Variants in CASZ1 observed in about 807,000 individuals in gnomAD.
CASZ1 encodes castor zinc finger 1, also known as zinc finger protein castor homolog 1.
In CASZ1, 28 loss-of-function variants were observed where a neutral mutation model predicts 135.2. That is an observed-to-expected ratio of 0.21 (90% CI 0.15 to 0.28). CASZ1 has a LOEUF of 0.28. Among genes scored for constraint, CASZ1 ranks in the 10% least tolerant of loss-of-function variants. CASZ1 has a pLI of 1.00. For synonymous variants in CASZ1, 1,068 were observed against 1,073.4 expected (o/e 0.99, Z 0.10); for missense variants, 2,161 against 2,453.3 (o/e 0.88, Z 2.52).
intron 4 of CASZ1, among the ~76,000 whole-genome samples, chr1:10,668,996 T>C (rs1643323115): frequency 6.6e-6 from 1 of 152,168 alleles, no homozygotes; most frequent in African/African-American, 2.4e-5. Context: ...CCTCCTCGGA[T>C]TCCTAGGTTC....
intron 4 of CASZ1, among the ~76,000 whole-genome samples, chr1:10,677,665 G>A (rs1022866473): frequency 5.9e-5 from 9 of 152,260 alleles, no homozygotes; most frequent in East Asian, 1.9e-4. Context: ...CCACTCACTC[G>A]TGAGGACTAG....
At chr1:10,746,288 A>G (rs1192085667) in intron 2 of CASZ1, among the ~76,000 whole-genome samples, 2 of 152,220 alleles carry the variant, frequency 1.3e-5, no homozygotes, top group East Asian at 3.8e-4. Context: ...ATGCACGGCA[A>G]AATTAAAGCT....
chr1:10,687,922 A>T (rs981240413), intron 4 of CASZ1, among the ~76,000 whole-genome samples: 5 of 152,198 alleles, frequency 3.3e-5, no homozygotes, highest in Non-Finnish European at 7.4e-5. Context: ...AAAGCTCTCA[A>T]GGAGCTAAAA....
rs1398067549 is a variant in CASZ1, at chr1:10,636,926, A to G, written c.*2016T>C. The stretch of plus-strand genomic sequence containing the variant: ...CATACATATTATTTGATATTTATAT[A>G]TATACACATACATAGTTATAAAACA... On this transcript the variant is annotated 3_prime_UTR_variant, in exon 21 of 21. Transcript: ENST00000377022. The G allele has an allele frequency of 6.6e-6, 1 of 152,156 alleles. No homozygotes were observed. Among genetic ancestry groups the G allele is most frequent in the Non-Finnish European group, 1.5e-5 (1 of 67,994 alleles). The allele number at this position is 152,156 out of a possible 1,614,324, so 9.4% of individuals were successfully genotyped here.
At chr1:10,684,406 A>G (rs1638521739) in intron 4 of CASZ1, among the ~76,000 whole-genome samples, 1 of 152,160 alleles carries the variant, frequency 6.6e-6, no homozygotes, top group East Asian at 1.9e-4. Flanking sequence ...ACACGCGCCT[A>G]GTGGAACGCA....
chr1:10,664,954 TG>T, intron 5 of CASZ1, 128 bp downstream of exon 5: 2 of 1,110,458 alleles, frequency 1.8e-6, no homozygotes, highest in Non-Finnish European at 1.2e-6. Context: ...GAGCCCTCCC[TG>T]GGTGGGATGA....
In CASZ1 at chr1:10,654,587, C is replaced by A; in HGVS notation, c.1670G>T (p.Gly557Val). ...KSTHYHCMQV[G>V]CNKVYTSTSD... ...CGTGCTCGTGTACACCTTGTTACAG[C>A]CCACCTGCACAGGACGGGATGGTGG... Residue 557 changes from glycine to valine, a missense_variant, in exon 10 of 21, where the codon GGC becomes GTC. Gly to Val is a moderately radical substitution (Grantham distance 109). This residue lies in a region of CASZ1 where 248 missense variants were observed against 410.8 expected (regional missense o/e 0.60). Coordinates refer to ENST00000377022, the MANE Select transcript of CASZ1 (RefSeq NM_001079843.3). 1.2e-6 allele frequency: 2 copies of A among 1,613,966 alleles called. No individual in the cohort carries two copies. Among genetic ancestry groups the A allele is most frequent in the South Asian group, 1.1e-5 (1 of 91,062 alleles).
Position 10,643,250 on chromosome 1 carries a change from G to T in CASZ1, c.3930C>A (p.Ser1310=). The T allele has an allele frequency of 6.2e-7, 1 of 1,613,238 alleles. No individual in the cohort carries two copies. The highest frequency in any genetic ancestry group is 1.1e-5 in the South Asian group (1 of 91,056). The change falls in exon 19 of 21, where the codon TCC becomes TCA. Residue 1310 remains serine, a synonymous_variant. Coordinates refer to ENST00000377022, the MANE Select transcript of CASZ1 (RefSeq NM_001079843.3). ...FHCIREGCQF[S]FLLKHQMTSH... is the part of the protein sequence containing the mutation. Reference sequence around the variant, plus strand: ...AGGTCATCTGGTGCTTGAGGAGGAAGGAGAACTGGCAGCCCTCCCGGATGC... The same window carrying T: ...AGGTCATCTGGTGCTTGAGGAGGAATGAGAACTGGCAGCCCTCCCGGATGC...
rs555966401 is a variant in CASZ1 at position 10,756,950 on chromosome 1, C to T, written c.-77+3751G>A. 6.6e-6 allele frequency among the ~76,000 whole-genome samples: 1 copy of T among 152,178 alleles called. No homozygotes were observed. Among genetic ancestry groups the T allele is most frequent in the African/African-American group, 2.4e-5 (1 of 41,436 alleles). On this transcript the variant is annotated intron_variant, in intron 2 of 20. Transcript: ENST00000377022. The surrounding 1 kb of genome is among the most constrained non-coding windows in gnomAD (Gnocchi z 5.9). ...AAGAGAAACTCAGCCAACTTTTAGA[C>T]CCAATCTCAGACCCAGCACAGAACC...
chr1:10,656,773 G>A (rs1642812449), intron 7 of CASZ1, 37 bp from the exon 8 acceptor site: 3 of 1,409,402 alleles, frequency 2.1e-6, no homozygotes, highest in African/African-American at 1.4e-5. Flanking sequence ...GCCCTGCTGT[G>A]GGTGACAGTC....
At position 10,711,505 on chromosome 1, in the gene CASZ1, G is replaced by T. The variant is rs1639285355; in HGVS notation, c.-76-5961C>A. On this transcript the variant is annotated intron_variant, in intron 2 of 20. Transcript: ENST00000377022. The surrounding 1 kb of genome is among the most constrained non-coding windows in gnomAD (Gnocchi z 4.4). ...ATATGGCCTCTTATTAGTTTCCAGGGTCCCTGCCTTTAAGAAGCTAGGAGA... is the reference window on the plus strand; with the variant it reads ...ATATGGCCTCTTATTAGTTTCCAGGTTCCCTGCCTTTAAGAAGCTAGGAGA... 6.6e-6 allele frequency among the ~76,000 whole-genome samples: 1 copy of T among 151,318 alleles called. No homozygotes were observed. The highest frequency in any genetic ancestry group is 6.6e-5 in the Admixed American group (1 of 15,186).
In CASZ1 at chr1:10,647,851, T is replaced by A; in HGVS notation, c.3447A>T (p.Leu1149=). The change falls in exon 16 of 21, where the codon CTA becomes CTT. Residue 1149 remains leucine (L), a synonymous_variant. Transcript: ENST00000377022. The surrounding 1 kb of genome is among the most constrained non-coding windows in gnomAD (Gnocchi z 4.9). ...GTTTGACCTGGGGCTTGGCGTTCTC[T>A]AGAGAAGTCGTTGCCAAGGGCGAGG... ...LPASPLATTS[L]ENAKPQVKPG... 6.2e-7 allele frequency: 1 copy of A among 1,613,934 alleles called. No homozygotes were observed. The highest frequency in any genetic ancestry group is 1.1e-5 in the South Asian group (1 of 91,072).
intron 2 of CASZ1, among the ~76,000 whole-genome samples, chr1:10,732,451 C>T (rs1570535854): frequency 6.6e-6 from 1 of 151,842 alleles, no homozygotes; most frequent in East Asian, 1.9e-4. Flanking sequence ...TCTTGGGGAA[C>T]TAGGGGCAGA....
At chr1:10,770,895 G>A (rs1038206720) in intron 1 of CASZ1, among the ~76,000 whole-genome samples, 3 of 152,182 alleles carry the variant, frequency 2.0e-5, no homozygotes, top group Non-Finnish European at 2.9e-5. Flanking sequence ...TCAGGATAAC[G>A]AGGAACACAG....
rs750064750 is a variant in CASZ1 at position 10,796,037 on chromosome 1, C to T, written c.-234+527G>A. ...CTCCTTCTCTGCCCTGGAGAGCGCACGACCCCTCTGCTGCTGGGGGGTGGG... is the reference window on the plus strand; with the variant it reads ...CTCCTTCTCTGCCCTGGAGAGCGCATGACCCCTCTGCTGCTGGGGGGTGGG... On this transcript the variant is annotated intron_variant, in intron 1 of 20. Coordinates refer to ENST00000377022, the MANE Select transcript of CASZ1 (RefSeq NM_001079843.3). Among the ~76,000 whole-genome samples the T allele has an allele frequency of 4.4e-4, 66 of 151,656 alleles. 1 individual carries two copies. Among genetic ancestry groups the T allele is most frequent in the Non-Finnish European group, 2.7e-4 (18 of 67,796 alleles).
chr1:10,648,327 G>T (rs1180182574), intron 15 of CASZ1, 188 bp from the exon 16 acceptor site: 1 of 525,718 alleles, frequency 1.9e-6, no homozygotes, highest in Non-Finnish European at 3.3e-6. Context: ...GCGTCCCCTG[G>T]TTCCGAACTT....
chr1:10,641,634 C>T (rs908095975), intron 20 of CASZ1, among the ~76,000 whole-genome samples: 2 of 152,202 alleles, frequency 1.3e-5, no homozygotes, highest in Admixed American at 6.5e-5. Context: ...CAGACCTTCC[C>T]GAAAGCCTCC....
At chr1:10,683,093 C>G (rs529109875) in intron 4 of CASZ1, among the ~76,000 whole-genome samples, 1 of 152,348 alleles carries the variant, frequency 6.6e-6, no homozygotes, top group South Asian at 2.1e-4. Flanking sequence ...ATCTAACAAC[C>G]AAAGCCACCA....
chr1:10,734,175 C>T (rs1037242904), intron 2 of CASZ1, among the ~76,000 whole-genome samples: 9 of 151,972 alleles, frequency 5.9e-5, no homozygotes, highest in Admixed American at 4.6e-4. Flanking sequence ...TGGCAGCCGC[C>T]CCCCTTCCTG....
Sources: allele counts gnomAD v4.1 joint callset (sites outside exome capture counted in the v4.1 genomes callset), GRCh38; gene constraint gnomAD v4.1.1; regional missense constraint gnomAD v4.1.1; non-coding constraint Gnocchi (gnomAD v3.1); transcripts MANE v1.5; gene names NCBI Gene and HGNC (gene_info 2026-07-23, HGNC 2026-07-21).